The following CIMIP2A variants were observed in gnomAD, a reference collection of about 807,000 sequenced individuals.
The protein encoded by CIMIP2A is ciliary microtubule inner protein 2A.
At chr9:137,253,541 G>GA in the CIMIP2A span, 2 of 1,377,044 alleles carry the variant, frequency 1.5e-6, no homozygotes, top group Non-Finnish European at 1.9e-6. Flanking sequence ...AGATATGGCT[G>GA]CCGCTGGGTC....
At chr9:137,245,914 G>GC in the CIMIP2A span, 1 of 1,324,380 alleles carries the variant, frequency 7.6e-7, no homozygotes, top group Non-Finnish European at 1.0e-6. Context: ...ACTGGGCAGG[G>GC]CCCCTTCAAG....
the CIMIP2A span, chr9:137,244,685 C>T: frequency 8.3e-5 from 134 of 1,613,674 alleles, no homozygotes; most frequent in Non-Finnish European, 1.1e-4. Flanking sequence ...GACGCCGTCT[C>T]GGTAATTCAA....
the CIMIP2A span, chr9:137,243,843 G>T: frequency 6.4e-7 from 1 of 1,574,072 alleles, no homozygotes; most frequent in South Asian, 1.1e-5. Flanking sequence ...GACCAGCATG[G>T]GCTGGACACC....
At chr9:137,245,238 G>A in the CIMIP2A span, 5 of 1,575,490 alleles carry the variant, frequency 3.2e-6, no homozygotes, top group South Asian at 5.7e-5. Context: ...GGAGGAAGCG[G>A]AGGTCACGGT....
the CIMIP2A span, chr9:137,251,657 G>A: frequency 3.4e-5 from 50 of 1,481,584 alleles, no homozygotes; most frequent in Non-Finnish European, 4.4e-5. Flanking sequence ...GGGGCTGAGG[G>A]ACAATAGAGG....
chr9:137,253,075 C>A, the CIMIP2A span: 5 of 1,541,682 alleles, frequency 3.2e-6, no homozygotes, highest in Admixed American at 7.6e-5. Flanking sequence ...TGAGTTGGGG[C>A]TGCTACCTGG....
chr9:137,244,122 C>A, the CIMIP2A span: 2 of 1,559,500 alleles, frequency 1.3e-6, 1 homozygote, highest in South Asian at 2.2e-5. Flanking sequence ...AGCCGTCCCT[C>A]CCCACATTGG....
the CIMIP2A span, chr9:137,251,276 A>G: frequency 6.4e-7 from 1 of 1,570,646 alleles, no homozygotes; most frequent in South Asian, 1.1e-5. Context: ...GAAGAGAGCC[A>G]GGAGACTCTG....
chr9:137,248,887 A>C, the CIMIP2A span, among the ~76,000 whole-genome samples: 1 of 152,184 alleles, frequency 6.6e-6, no homozygotes, highest in African/African-American at 2.4e-5. Context: ...CAAAAAAACA[A>C]CTAAAAGGCA....
chr9:137,250,965 G>A, the CIMIP2A span: 3 of 375,190 alleles, frequency 8.0e-6, no homozygotes, highest in South Asian at 6.6e-5. Flanking sequence ...CTCTGCTGAG[G>A]CCTCAGTCCT....
chr9:137,251,747 A>G, the CIMIP2A span: 4 of 1,569,718 alleles, frequency 2.5e-6, no homozygotes, highest in Non-Finnish European at 3.5e-6. Flanking sequence ...GGCCCAAGGC[A>G]TCTGTGCTGT....
At chr9:137,245,078 C>A in the CIMIP2A span, 1 of 1,610,238 alleles carries the variant, frequency 6.2e-7, no homozygotes. Context: ...CCAGCCCAGG[C>A]CCACACCCAC....
the CIMIP2A span, among the ~76,000 whole-genome samples, chr9:137,254,143 G>A: frequency 6.8e-3 from 1,040 of 152,360 alleles, 5 homozygotes; most frequent in African/African-American, 0.024. Flanking sequence ...CCAGGACCCA[G>A]ACCAGGCCCA....
At chr9:137,253,123 C>G in the CIMIP2A span, 1 of 1,572,226 alleles carries the variant, frequency 6.4e-7, no homozygotes. Flanking sequence ...AGCCCGAACC[C>G]CTGGCCCAGC....
chr9:137,249,061 T>A, the CIMIP2A span, among the ~76,000 whole-genome samples: 1 of 151,926 alleles, frequency 6.6e-6, no homozygotes, highest in Non-Finnish European at 1.5e-5. Flanking sequence ...TTTCACCATG[T>A]TAGCCAGGAT....
chr9:137,251,827 G>C, the CIMIP2A span: 3 of 1,605,794 alleles, frequency 1.9e-6, no homozygotes, highest in Non-Finnish European at 2.6e-6. Context: ...ATCCCAGTTG[G>C]CCTCAGGTTA....
chr9:137,245,792 C>T, the CIMIP2A span: 1 of 1,534,632 alleles, frequency 6.5e-7, no homozygotes, highest in Non-Finnish European at 8.8e-7. Flanking sequence ...AGCAGCTGCC[C>T]CGTGGTACGC....
the CIMIP2A span, chr9:137,251,405 C>T: frequency 4.0e-5 from 63 of 1,568,748 alleles, no homozygotes; most frequent in Middle Eastern, 1.7e-4. Context: ...CAGTAACTGG[C>T]GGAGAGGGGG....
At chr9:137,253,416 G>C in the CIMIP2A span, 5 of 1,455,224 alleles carry the variant, frequency 3.4e-6, no homozygotes, top group Non-Finnish European at 4.5e-6. Flanking sequence ...TGTGGACAAG[G>C]CTGGCCCAGC....
Sources: allele counts gnomAD v4.1 joint callset (sites outside exome capture counted in the v4.1 genomes callset), GRCh38; gene constraint gnomAD v4.1.1; transcripts MANE v1.5; gene names NCBI Gene and HGNC (gene_info 2026-07-23, HGNC 2026-07-21).